Variants in GRID2IP observed in about 807,000 individuals in gnomAD.
The protein encoded by GRID2IP is delphilin.
GRID2IP carries 78 observed loss-of-function variants against 114.3 expected under a neutral mutation model. That is an observed-to-expected ratio of 0.68 (90% CI 0.57 to 0.82). GRID2IP has a LOEUF of 0.82. Ranked by LOEUF, GRID2IP falls within the 40% of genes least tolerant of loss-of-function variation. The pLI, the probability that GRID2IP is intolerant of heterozygous loss-of-function variation, is 0.00. For synonymous variants in GRID2IP, 809 were observed against 724.0 expected, an observed-to-expected ratio of 1.12 and a Z score of -1.89; for missense variants, 1,727 against 1,678.5, an observed-to-expected ratio of 1.03 and a Z score of -0.51.
At chr7:6,512,231 C>CTTTTTTT (rs1002835555) in intron 8 of GRID2IP, among the ~76,000 whole-genome samples, 1,093 of 90,128 alleles carry the variant, frequency 0.012, 122 homozygotes, top group African/African-American at 0.04. Flanking sequence ...TTCTTTTCTT[C>CTTTTTTT]TTTTTTTTTT....
In GRID2IP at chr7:6,502,251, G is replaced by T. The variant is rs563206222; in HGVS notation, c.3151-133C>A. On this transcript the variant is annotated intron_variant, in intron 18 of 21. Coordinates refer to ENST00000457091, the MANE Select transcript of GRID2IP (RefSeq NM_001145118.2). ...CCCCCACTTTTTTTTTAATAGCAGG[G>T]TCTTGCTCTGTTGCCCAGGCTGGAG... 122 of 792,468 alleles carry T rather than the reference G, an allele frequency of 1.5e-4. No individual in the cohort carries two copies. The Middle Eastern group carries it at 2.4e-3, about 15-fold the overall frequency. The allele number at this position is 792,468 out of a possible 1,614,324, so 49.1% of individuals were successfully genotyped here. A position where few individuals can be genotyped will look rare whatever the true frequency, so the allele number is the denominator to read the frequency against.
In GRID2IP at chr7:6,539,742, C is replaced by A. The variant is rs746168017; in HGVS notation, c.560G>T (p.Cys187Phe). Reference protein sequence around the residue: ...TLTLALPREACGPLLDNLRIF... With the variant: ...TLTLALPREAFGPLLDNLRIF... ...CCTGAGGTTGTCCAGGAGTGGCCCG[C>A]AGGCCTCTCGGGGCAGCGCCAGGGT... Residue 187 changes from cysteine (C) to phenylalanine (F), a missense_variant, in exon 2 of 22, where the codon TGC (cysteine) becomes TTC (phenylalanine). Cys to Phe is a radical substitution (Grantham distance 205, BLOSUM62 -2). Transcript: ENST00000457091. 9 of 1,549,626 alleles carry A rather than the reference C, an allele frequency of 5.8e-6. No individual in the cohort carries two copies. The South Asian group carries it at 9.5e-5, about 16-fold the overall frequency.
At chr7:6,525,696 G>A (rs1042205495) in intron 4 of GRID2IP, among the ~76,000 whole-genome samples, 2 of 152,316 alleles carry the variant, frequency 1.3e-5, no homozygotes, top group Admixed American at 1.3e-4. Context: ...GGAGCAAGCA[G>A]GGTGGGAGGA....
chr7:6,511,605 T>G (rs1180212028), intron 8 of GRID2IP, among the ~76,000 whole-genome samples: 2 of 152,122 alleles, frequency 1.3e-5, no homozygotes, highest in Non-Finnish European at 2.9e-5. Flanking sequence ...GTTCCTGACC[T>G]CAGGTGATCC....
At position 6,503,577 on chromosome 7, in the gene GRID2IP, C is replaced by T; in HGVS notation, c.2821G>A (p.Ala941Thr). 1.3e-6 allele frequency: 2 copies of T among 1,528,874 alleles called. No individual in the cohort carries two copies. Among genetic ancestry groups the T allele is most frequent in the Non-Finnish European group, 1.7e-6 (2 of 1,144,260 alleles). 94.7% of individuals were successfully genotyped at this position (1,528,874 alleles called of 1,614,324 possible). Reference sequence around the variant, plus strand: ...CGCTGCTCCTCGTCGGCGTCGGGCGCGAAGAGCAGCAGCTGCGCGAGATGT... The same window carrying T: ...CGCTGCTCCTCGTCGGCGTCGGGCGTGAAGAGCAGCAGCTGCGCGAGATGT... ...PAHLAQLLLF[A>T]PDADEEQRYQ... Residue 941 changes from alanine to threonine, a missense_variant, in exon 16 of 22, where the codon GCG (alanine) becomes ACG (threonine). Coordinates refer to ENST00000457091, the MANE Select transcript of GRID2IP (RefSeq NM_001145118.2).
In GRID2IP at chr7:6,508,934, C is replaced by G. The variant is rs533811339; in HGVS notation, c.2127+24G>C. 27 of 1,539,298 alleles carry G rather than the reference C, an allele frequency of 1.8e-5. No individual in the cohort carries two copies. The highest frequency in any genetic ancestry group is 3.8e-4 in the Middle Eastern group (2 of 5,210). On this transcript the variant is annotated intron_variant, in intron 12 of 21. Transcript: ENST00000457091. This position sits in a 1 kb window ranked among gnomAD's most constrained non-coding sequence, Gnocchi z 5.6. ...GCCACACCTCGCCTCACCCGCCTCC[C>G]TCCACACCTGCTTGCGTGCCCACCT...
chr7:6,522,311 G>A (rs990214802), intron 4 of GRID2IP, among the ~76,000 whole-genome samples: 4 of 152,096 alleles, frequency 2.6e-5, no homozygotes, highest in African/African-American at 7.2e-5. Context: ...TAAGGACCAC[G>A]GGAGTGATCC....
chr7:6,527,199 GA>G (rs1236405104), intron 2 of GRID2IP, among the ~76,000 whole-genome samples: 1 of 152,114 alleles, frequency 6.6e-6, no homozygotes, highest in Admixed American at 6.5e-5. Context: ...TCTGCTGGAG[GA>G]AACTGGAACC....
chr7:6,514,392 C>T lies in GRID2IP; in HGVS notation c.1406G>A (p.Gly469Asp). 3.3e-6 allele frequency: 5 copies of T among 1,534,926 alleles called. No homozygotes were observed. Among genetic ancestry groups the T allele is most frequent in the Non-Finnish European group, 4.4e-6 (5 of 1,136,782 alleles). ...ACGCTTACCTGTCATGGCCGTGTAG[C>T]CCAGGAAGCATGCGATTTTCTCCTG... ...LCQEKIACFLGYTAMTAEPEP... is the reference protein window; with the variant it reads ...LCQEKIACFLDYTAMTAEPEP... Residue 469 changes from glycine to aspartate, a missense_variant, in exon 8 of 22, where the codon GGC (glycine) becomes GAC (aspartate). Physicochemically the swap from Gly to Asp is moderately conservative, Grantham distance 94 (BLOSUM62 -1). Transcript: ENST00000457091.
At position 6,516,296 on chromosome 7, in the gene GRID2IP, A is replaced by G. The variant is rs1033198755; in HGVS notation, c.1269-1767T>C. 2.6e-5 allele frequency among the ~76,000 whole-genome samples: 4 copies of G among 151,942 alleles called. No homozygotes were observed. The highest frequency in any genetic ancestry group is 1.3e-4 in the Admixed American group (2 of 15,246). On this transcript the variant is annotated intron_variant, in intron 7 of 21. Coordinates refer to ENST00000457091, the MANE Select transcript of GRID2IP (RefSeq NM_001145118.2). The surrounding 1 kb of genome is among the most constrained non-coding windows in gnomAD (Gnocchi z 4.3). ...GAAAATACATAGAATAAGAATAGTTATACTAGAAATAGATTATAGATATGT... is the reference window on the plus strand; with the variant it reads ...GAAAATACATAGAATAAGAATAGTTGTACTAGAAATAGATTATAGATATGT...
chr7:6,505,781 T>C, intron 14 of GRID2IP, 39 bp downstream of exon 14: 1 of 1,320,980 alleles, frequency 7.6e-7, no homozygotes, highest in East Asian at 2.5e-5. Flanking sequence ...ACAGATGGTG[T>C]GGTATCTGGG....
intron 1 of GRID2IP, among the ~76,000 whole-genome samples, chr7:6,544,539 C>T (rs1418707591): frequency 2.0e-5 from 3 of 152,016 alleles, no homozygotes; most frequent in Non-Finnish European, 2.9e-5. Context: ...CTCAGCCTCC[C>T]AATGTGCTGG....
chr7:6,497,939 G>A lies in GRID2IP; in HGVS notation c.3565-94C>T, dbSNP rs529255961. On this transcript the variant is annotated intron_variant, in intron 21 of 21. Coordinates refer to ENST00000457091, the MANE Select transcript of GRID2IP (RefSeq NM_001145118.2). ...TTCCCACACTAGACAGCCCATCAGGGGGTTAGGGGGACATGTCGCTCACTG... is the reference window on the plus strand; with the variant it reads ...TTCCCACACTAGACAGCCCATCAGGAGGTTAGGGGGACATGTCGCTCACTG... 2.4e-4 allele frequency: 336 copies of A among 1,399,070 alleles called. 1 individual carries two copies. The highest frequency in any genetic ancestry group is 3.0e-4 in the Non-Finnish European group (311 of 1,029,448). 86.7% of individuals were successfully genotyped at this position (1,399,070 alleles called of 1,614,324 possible).
rs1000074170 is a variant in GRID2IP at position 6,528,981 on chromosome 7, A to G, written c.585-2212T>C. ...CTGCACATTCCCTAGCGCCTCCCAG[A>G]CCTCAAGCCTCATGTCCAGGCAAAG... On this transcript the variant is annotated intron_variant, in intron 2 of 21. Coordinates refer to ENST00000457091, the MANE Select transcript of GRID2IP (RefSeq NM_001145118.2). This position sits in a 1 kb window ranked among gnomAD's most constrained non-coding sequence, Gnocchi z 6.0. Among the ~76,000 whole-genome samples the G allele has an allele frequency of 2.6e-5, 4 of 151,968 alleles. No individual in the cohort carries two copies. Among genetic ancestry groups the G allele is most frequent in the Admixed American group, 1.3e-4 (2 of 15,246 alleles).
rs1779291239 is a variant in GRID2IP at position 6,516,057 on chromosome 7, A to AT, written c.1269-1529dup. Among the ~76,000 whole-genome samples, 1 of 152,042 alleles carries AT rather than the reference A, an allele frequency of 6.6e-6. No homozygotes were observed. The highest frequency in any genetic ancestry group is 1.5e-5 in the Non-Finnish European group (1 of 68,022). On this transcript the variant is annotated intron_variant, in intron 7 of 21. Coordinates refer to ENST00000457091, the MANE Select transcript of GRID2IP (RefSeq NM_001145118.2). This position sits in a 1 kb window ranked among gnomAD's most constrained non-coding sequence, Gnocchi z 4.3. Reference sequence around the variant, plus strand: ...GGTTGCAGTGAGCTGAGATCGCGCCATTGCACTCCAGCCTGGGTGACAGAG... The same window carrying AT: ...GGTTGCAGTGAGCTGAGATCGCGCCATTTGCACTCCAGCCTGGGTGACAGAG...
chr7:6,542,749 A>G (rs1035024391), intron 1 of GRID2IP, among the ~76,000 whole-genome samples: 1 of 152,214 alleles, frequency 6.6e-6, no homozygotes. Flanking sequence ...ATTGTTTGAA[A>G]ATGGATGGTA....
At chr7:6,544,469 C>G (rs1436804394) in intron 1 of GRID2IP, among the ~76,000 whole-genome samples, 10 of 151,018 alleles carry the variant, frequency 6.6e-5, no homozygotes, top group Admixed American at 6.6e-4. Flanking sequence ...TTAGTAGAGA[C>G]AGGGTTTCTC....
rs560788403 is a variant in GRID2IP at position 6,512,651 on chromosome 7, C to G, written c.1424-1612G>C. Among the ~76,000 whole-genome samples the G allele has an allele frequency of 4.9e-4, 75 of 152,166 alleles. 1 individual carries two copies. Among genetic ancestry groups the G allele is most frequent in the African/African-American group, 1.8e-3 (73 of 41,506 alleles). On this transcript the variant is annotated intron_variant, in intron 8 of 21. Coordinates refer to ENST00000457091, the MANE Select transcript of GRID2IP (RefSeq NM_001145118.2). Reference sequence around the variant, plus strand: ...TCAGCCTCCCGAGTAGTTGGAATTACAACTGCGTACCACCACACCTGGCTT... The same window carrying G: ...TCAGCCTCCCGAGTAGTTGGAATTAGAACTGCGTACCACCACACCTGGCTT...
chr7:6,509,200 G>A lies in GRID2IP; in HGVS notation c.1885C>T (p.Pro629Ser). The A allele has an allele frequency of 6.7e-7, 1 of 1,490,258 alleles. No individual in the cohort carries two copies. The highest frequency in any genetic ancestry group is 9.0e-7 in the Non-Finnish European group (1 of 1,117,296). The allele number at this position is 1,490,258 out of a possible 1,614,324, so 92.3% of individuals were successfully genotyped here. The change falls in exon 12 of 22, where the codon CCC becomes TCC. Residue 629 changes from proline (P) to serine (S), a missense_variant. By Grantham distance (74) the Pro-to-Ser change is moderately conservative. Transcript: ENST00000457091. The surrounding 1 kb of genome is among the most constrained non-coding windows in gnomAD (Gnocchi z 4.9). The part of the protein sequence containing the change: ...LASPSSSESH[P>S]YASLDSSRAP... The stretch of plus-strand genomic sequence containing the variant: ...CTGCTGCTGTCCAGGCTGGCGTAGG[G>A]GTGGGACTCAGAGCTGCTGGGGGAG...
Sources: gnomAD v4.1 joint callset for allele counts (sites outside exome capture counted in the v4.1 genomes callset) on GRCh38, gnomAD v4.1.1 for gene constraint, Gnocchi (gnomAD v3.1) non-coding constraint, MANE v1.5 for transcripts, NCBI Gene and HGNC (gene_info 2026-07-23, HGNC 2026-07-21) for gene names.